HERC2: variants seen among roughly 807,000 people sequenced by gnomAD.
The protein encoded by HERC2 is E3 ubiquitin-protein ligase HERC2.
HERC2 carries 102 observed loss-of-function variants against 537.7 expected under a neutral mutation model. The observed-to-expected ratio is 0.19, with a 90% CI of 0.16 to 0.22. The LOEUF (loss-of-function observed/expected upper bound fraction) is 0.22. Ranked by LOEUF, HERC2 falls within the 10% of genes least tolerant of loss-of-function variation. The pLI is 1.00. For missense variants in HERC2, 4,236 were observed against 6,198.2 expected (o/e 0.68, Z 10.63); for synonymous variants, 2,224 against 2,466.2 (o/e 0.90, Z 2.91).
rs1402490198 is a variant in HERC2, at chr15:28,280,153, CAATGAAAT to C, written c.449_456del (p.Tyr150CysfsTer4). On this transcript the variant is annotated frameshift_variant, in exon 5 of 93. Coordinates refer to ENST00000261609, the MANE Select transcript of HERC2 (RefSeq NM_004667.6). LOFTEE classifies it high-confidence loss of function. ...TCCTGAAAAACGGTTCTATTCAAGG[CAATGAAAT>C]AGCGCTCCAAGATCACCAGCCTCTG... is the stretch of plus-strand genomic sequence containing the variant. 1 of 1,614,056 alleles carries C rather than the reference CAATGAAAT, an allele frequency of 6.2e-7. No individual in the cohort carries two copies.
intron 37 of HERC2, among the ~76,000 whole-genome samples, chr15:28,219,846 C>A (rs1900332238): frequency 6.6e-6 from 1 of 152,202 alleles, no homozygotes; most frequent in South Asian, 2.1e-4. Context: ...CTTTTAGGAA[C>A]AGCTAAGAAA....
rs1045933848 is a variant in HERC2, at chr15:28,124,371, C to T, written c.12991-137G>A. The T allele has an allele frequency of 3.3e-4, 158 of 478,650 alleles. 1 individual carries two copies. The highest frequency in any genetic ancestry group is 5.9e-4 in the Admixed American group (14 of 23,716). The allele number at this position is 478,650 out of a possible 1,614,324, so 29.7% of individuals were successfully genotyped here. On this transcript the variant is annotated intron_variant, in intron 84 of 92. Coordinates refer to ENST00000261609, the MANE Select transcript of HERC2 (RefSeq NM_004667.6). The stretch of plus-strand genomic sequence containing the variant: ...TGGTGTCTGAGTTTGGTTTGCACAA[C>T]CTCACTGTGCTGCTTTTAAAATAAT...
In HERC2 at chr15:28,265,073, C is replaced by T. The variant is rs990095371; in HGVS notation, c.1870+545G>A. Among the ~76,000 whole-genome samples, 4 of 152,132 alleles carry T rather than the reference C, an allele frequency of 2.6e-5. No individual in the cohort carries two copies. Among genetic ancestry groups the T allele is most frequent in the Admixed American group, 6.5e-5 (1 of 15,278 alleles). On this transcript the variant is annotated intron_variant, in intron 14 of 92. Coordinates refer to ENST00000261609, the MANE Select transcript of HERC2 (RefSeq NM_004667.6). This position sits in a 1 kb window ranked among gnomAD's most constrained non-coding sequence, Gnocchi z 4.0. ...TGATTATAACGGAAAGACTCCACAACGCCAGAGACACACAAGATGCCAAGG... is the reference window on the plus strand; with the variant it reads ...TGATTATAACGGAAAGACTCCACAATGCCAGAGACACACAAGATGCCAAGG...
At chr15:28,156,139 A>T (rs1342674754) in intron 69 of HERC2, among the ~76,000 whole-genome samples, 1 of 152,224 alleles carries the variant, frequency 6.6e-6, no homozygotes, top group Non-Finnish European at 1.5e-5. Context: ...TTTTGGTACC[A>T]GTACCATGCT....
chr15:28,115,406 C>T (rs373723349), intron 89 of HERC2, 23 bp downstream of exon 89: 50 of 1,568,706 alleles, frequency 3.2e-5, no homozygotes, highest in South Asian at 9.0e-5. Flanking sequence ...CTAGAGGCCC[C>T]GCCTGCCGCC....
chr15:28,177,427 G>T lies in HERC2; in HGVS notation c.9246C>A (p.Phe3082Leu), dbSNP rs151122646. The change falls in exon 60 of 93, where the codon TTC becomes TTA. Residue 3082 changes from phenylalanine to leucine, a missense_variant. Physicochemically the swap from Phe to Leu is conservative, Grantham distance 22 (BLOSUM62 0). Around this residue, in one of 27 missense-constraint regions of HERC2, gnomAD observed 606 missense variants for 884.5 expected, o/e 0.69. Coordinates refer to ENST00000261609, the MANE Select transcript of HERC2 (RefSeq NM_004667.6). This position sits in a 1 kb window ranked among gnomAD's most constrained non-coding sequence, Gnocchi z 5.0. ...GEGDDGKLGH[F>L]SRMNCDKPRL... ...AAAAAAAGTACCCTTACATTCTGCT[G>T]AAGTGTCCAAGTTTTCCATCGTCAC... is the stretch of plus-strand genomic sequence containing the variant. The T allele has an allele frequency of 5.6e-6, 9 of 1,614,022 alleles. No individual in the cohort carries two copies. The highest frequency in any genetic ancestry group is 7.6e-6 in the Non-Finnish European group (9 of 1,179,848).
chr15:28,131,834 C>T (rs570165303), intron 81 of HERC2, among the ~76,000 whole-genome samples: 14 of 152,324 alleles, frequency 9.2e-5, no homozygotes, highest in Admixed American at 6.5e-4. Flanking sequence ...GGAGGCTCCA[C>T]GGTGCCCGGA....
At chr15:28,136,249 G>A (rs1890622909) in intron 78 of HERC2, among the ~76,000 whole-genome samples, 1 of 152,076 alleles carries the variant, frequency 6.6e-6, no homozygotes, top group South Asian at 2.1e-4. Flanking sequence ...TCCAAATGAA[G>A]GCAAACATCC....
chr15:28,271,387 G>A (rs924192906), intron 9 of HERC2, among the ~76,000 whole-genome samples: 4 of 152,214 alleles, frequency 2.6e-5, no homozygotes, highest in African/African-American at 7.2e-5. Flanking sequence ...AATAGGCTGG[G>A]CATGGTGGCT....
intron 57 of HERC2, among the ~76,000 whole-genome samples, chr15:28,179,904 C>T (rs1895662475): frequency 1.3e-5 from 2 of 152,154 alleles, no homozygotes; most frequent in Admixed American, 1.3e-4. Flanking sequence ...AGTATTATTA[C>T]AAGAGTCAAA....
intron 4 of HERC2, among the ~76,000 whole-genome samples, chr15:28,281,370 A>G (rs2141057489): frequency 6.6e-6 from 1 of 152,260 alleles, no homozygotes; most frequent in East Asian, 1.9e-4. Context: ...CACAGCTCCC[A>G]GTGGCGAGGT....
chr15:28,222,505 A>G (rs567455991), intron 35 of HERC2, among the ~76,000 whole-genome samples: 3 of 152,344 alleles, frequency 2.0e-5, no homozygotes, highest in Non-Finnish European at 4.4e-5. Context: ...CAAAATAACT[A>G]AGTTAGAAAG....
chr15:28,124,229 G>A lies in HERC2; in HGVS notation c.12996C>T (p.Pro4332=). Residue 4332 remains proline, a synonymous_variant, in exon 85 of 93, where the codon CCC becomes CCT. Transcript: ENST00000261609. ...TCTCCTGCAGGTGATTGTACTCCATGGGGACCTAGAACACAGAAATGGCCT... is the reference window on the plus strand; with the variant it reads ...TCTCCTGCAGGTGATTGTACTCCATAGGGACCTAGAACACAGAAATGGCCT... The part of the protein sequence containing the change: ...ASAGKLPAQV[P]MEYNHLQEIP... The A allele has an allele frequency of 1.3e-6, 2 of 1,482,946 alleles. No individual in the cohort carries two copies. The highest frequency in any genetic ancestry group is 2.8e-5 in the South Asian group (2 of 70,974). 91.9% of individuals were successfully genotyped at this position (1,482,946 alleles called of 1,614,324 possible). A position where few individuals can be genotyped will look rare whatever the true frequency, so the allele number is the denominator to read the frequency against.
intron 2 of HERC2, among the ~76,000 whole-genome samples, chr15:28,308,809 A>G (rs2076862290): frequency 6.6e-6 from 1 of 152,222 alleles, no homozygotes; most frequent in South Asian, 2.1e-4. Flanking sequence ...AAATAATCAC[A>G]TGGTTTTTAT....
chr15:28,124,761 G>A (rs150587720), intron 84 of HERC2, among the ~76,000 whole-genome samples: 84 of 152,340 alleles, frequency 5.5e-4, no homozygotes, highest in African/African-American at 2.0e-3. Flanking sequence ...TGTTGTCCAG[G>A]CTGGTCCTGA....
At chr15:28,294,950 C>T (rs1368344190) in intron 3 of HERC2, among the ~76,000 whole-genome samples, 2 of 151,828 alleles carry the variant, frequency 1.3e-5, no homozygotes, top group African/African-American at 4.8e-5. Flanking sequence ...CATGATACAG[C>T]TTTTTCTGTG....
At position 28,222,101 on chromosome 15, in the gene HERC2, C is replaced by G. The variant is rs2140508297; in HGVS notation, c.5579G>C (p.Gly1860Ala). The G allele has an allele frequency of 1.0e-6, 1 of 952,906 alleles. No homozygotes were observed. The highest frequency in any genetic ancestry group is 2.3e-5 in the East Asian group (1 of 44,398). 59.0% of individuals were successfully genotyped at this position (952,906 alleles called of 1,614,324 possible). ...CTTCATCATGGCAGCCAGTTCTGGT[C>G]CTGAAACAGGGAGCTGCACAGGAGC... is the stretch of plus-strand genomic sequence containing the variant. Reference protein sequence around the residue: ...ETAPVQLPVSGPELAAMMKIG... With the variant: ...ETAPVQLPVSAPELAAMMKIG... The change falls in exon 36 of 93, where the codon GGA becomes GCA. Residue 1860 changes from glycine to alanine, a missense_variant. Gly to Ala is a moderately conservative substitution (Grantham distance 60, BLOSUM62 0). Coordinates refer to ENST00000261609, the MANE Select transcript of HERC2 (RefSeq NM_004667.6).
At position 28,268,738 on chromosome 15, in the gene HERC2, C is replaced by T; in HGVS notation, c.1447-122G>A. The T allele has an allele frequency of 1.2e-6, 1 of 808,658 alleles. No individual in the cohort carries two copies. The highest frequency in any genetic ancestry group is 2.4e-5 in the Admixed American group (1 of 41,006). The allele number at this position is 808,658 out of a possible 1,614,324, so 50.1% of individuals were successfully genotyped here. ...CTGTAACTCCAAGTGGGGCATAAGTCTCTGGGAACTACGGGGCCGGCTCTC... is the reference window on the plus strand; with the variant it reads ...CTGTAACTCCAAGTGGGGCATAAGTTTCTGGGAACTACGGGGCCGGCTCTC... On this transcript the variant is annotated intron_variant, in intron 11 of 92. Transcript: ENST00000261609. The surrounding 1 kb of genome is among the most constrained non-coding windows in gnomAD (Gnocchi z 4.7).
intron 20 of HERC2, among the ~76,000 whole-genome samples, chr15:28,252,178 T>TC: frequency 6.6e-6 from 1 of 152,270 alleles, no homozygotes; most frequent in East Asian, 1.9e-4. Flanking sequence ...TGGATACACT[T>TC]CAAGTGCTGA....
Sources: gnomAD v4.1 joint callset for allele counts (sites outside exome capture counted in the v4.1 genomes callset) on GRCh38, gnomAD v4.1.1 for gene constraint, gnomAD v4.1.1 regional missense constraint, Gnocchi (gnomAD v3.1) non-coding constraint, MANE v1.5 for transcripts, NCBI Gene and HGNC (gene_info 2026-07-23, HGNC 2026-07-21) for gene names.